FDPS: variants seen among roughly 807,000 people sequenced by gnomAD.
The protein encoded by FDPS is farnesyl pyrophosphate synthase.
Under a neutral mutation model 49.5 loss-of-function variants are expected in FDPS, and 29 were observed. The observed-to-expected ratio is 0.59, with a 90% CI of 0.44 to 0.80. The LOEUF is 0.80. Ranked by LOEUF, FDPS falls within the 30% of genes least tolerant of loss-of-function variation. FDPS has a pLI of 0.00. For missense variants in FDPS, 414 were observed against 525.6 expected (o/e 0.79, Z 2.08); for synonymous variants, 172 against 206.4 (o/e 0.83, Z 1.43).
intron 4 of FDPS, chr1:155,312,979 C>CAAAAAAAAAAAAAA: frequency 2.5e-5 from 1 of 40,568 alleles, no homozygotes; most frequent in Non-Finnish European, 5.1e-5. Context: ...AACTCCATCT[C>CAAAAAAAAAAAAAA]AAAAAAAAAA....
chr1:155,318,036 A>G lies in FDPS; in HGVS notation c.561+15A>G. On this transcript the variant is annotated intron_variant, in intron 5 of 10. Coordinates refer to ENST00000368356, the MANE Select transcript of FDPS (RefSeq NM_002004.4). This position sits in a 1 kb window ranked among gnomAD's most constrained non-coding sequence, Gnocchi z 4.2. ...GGTATCAGAAGGTAATGTGGGCAGG[A>G]AAATAGCAGTGGGTATGGGGACAGG... 6.2e-7 allele frequency: 1 copy of G among 1,613,918 alleles called. No individual in the cohort carries two copies. The highest frequency in any genetic ancestry group is 8.5e-7 in the Non-Finnish European group (1 of 1,179,814).
At chr1:155,319,544 G>A (rs1224776129) in intron 8 of FDPS, 67 bp from the exon 9 acceptor site, 1 of 1,544,566 alleles carries the variant, frequency 6.5e-7, no homozygotes, top group Non-Finnish European at 8.9e-7. Flanking sequence ...AGACCCCATG[G>A]GAGGAAGCAG....
chr1:155,315,425 A>G (rs926944516), intron 4 of FDPS, among the ~76,000 whole-genome samples: 3 of 152,312 alleles, frequency 2.0e-5, no homozygotes, highest in East Asian at 1.9e-4. Flanking sequence ...CATGCCTGTA[A>G]TCCCAGCACT....
chr1:155,314,244 G>A (rs1406166829), intron 4 of FDPS, among the ~76,000 whole-genome samples: 1 of 150,556 alleles, frequency 6.6e-6, no homozygotes, highest in East Asian at 2.0e-4. Context: ...GGAGTGCAGT[G>A]GCATGATCTT....
chr1:155,309,460 A>G, intron 1 of FDPS: 1 of 227,152 alleles, frequency 4.4e-6, no homozygotes. Flanking sequence ...GTAAAATAGG[A>G]TGACTTAAGG....
intron 4 of FDPS, among the ~76,000 whole-genome samples, chr1:155,316,426 T>C (rs1649415121): frequency 6.6e-6 from 1 of 152,156 alleles, no homozygotes; most frequent in Non-Finnish European, 1.5e-5. Context: ...AAGTCCAACT[T>C]GGGCAACATG....
rs534447154 is a variant in FDPS, at chr1:155,309,877, C to T, written c.88C>T (p.Leu30=). 1 of 1,590,250 alleles carries T rather than the reference C, an allele frequency of 6.3e-7. No individual in the cohort carries two copies. Among genetic ancestry groups the T allele is most frequent in the Admixed American group, 1.8e-5 (1 of 56,536 alleles). Residue 30 remains leucine, a synonymous_variant, in exon 2 of 11, where the codon CTA becomes TTA. Coordinates refer to ENST00000368356, the MANE Select transcript of FDPS (RefSeq NM_002004.4). ...WAPRERWLGS[L]RRPSLVHGYP... Reference sequence around the variant, plus strand: ...ACCCCGGGAGAGGTGGCTGGGTTCCCTACGGCGGCCCTCCCTGGTGCACGG... The same window carrying T: ...ACCCCGGGAGAGGTGGCTGGGTTCCTTACGGCGGCCCTCCCTGGTGCACGG...
intron 4 of FDPS, among the ~76,000 whole-genome samples, chr1:155,314,742 C>T (rs550082442): frequency 3.3e-5 from 5 of 150,294 alleles, no homozygotes; most frequent in Admixed American, 2.7e-4. Flanking sequence ...TCCCAGAGTA[C>T]TGGGATAACA....
At position 155,318,290 on chromosome 1, in the gene FDPS, A is replaced by G; in HGVS notation, c.683A>G (p.Gln228Arg). The G allele has an allele frequency of 6.2e-7, 1 of 1,610,996 alleles. No individual in the cohort carries two copies. Among genetic ancestry groups the G allele is most frequent in the Non-Finnish European group, 8.5e-7 (1 of 1,179,998 alleles). ...YYLNLIELFLQSSYQTEIGQT... is the reference protein window; with the variant it reads ...YYLNLIELFLRSSYQTEIGQT... ...CTGAACCTGATCGAGCTCTTCCTGCAGGTGTATTGCAGACAGGGCCCGATG... is the reference window on the plus strand; with the variant it reads ...CTGAACCTGATCGAGCTCTTCCTGCGGGTGTATTGCAGACAGGGCCCGATG... The change falls in exon 6 of 11, where the codon CAG becomes CGG. Residue 228 changes from glutamine (Q) to arginine (R), a missense_variant and splice_region_variant. By Grantham distance (43) the Gln-to-Arg change is conservative. Coordinates refer to ENST00000368356, the MANE Select transcript of FDPS (RefSeq NM_002004.4). This position sits in a 1 kb window ranked among gnomAD's most constrained non-coding sequence, Gnocchi z 4.2.
intron 4 of FDPS, among the ~76,000 whole-genome samples, chr1:155,315,388 T>C (rs1430435547): frequency 2.7e-5 from 4 of 150,184 alleles, no homozygotes; most frequent in African/African-American, 7.4e-5. Context: ...CTACTGAAAA[T>C]ACAAAATTAG....
rs376368858 is a variant in FDPS, at chr1:155,318,162, A to C, written c.562-7A>C. On this transcript the variant is annotated splice_region_variant and splice_polypyrimidine_tract_variant and intron_variant, in intron 5 of 10. Transcript: ENST00000368356. The surrounding 1 kb of genome is among the most constrained non-coding windows in gnomAD (Gnocchi z 4.2). The stretch of plus-strand genomic sequence containing the variant: ...TTGATTGCTTGTTTTTCTGTCTGTC[A>C]TGACAGCCGGGCGTGGGTTTGGATG... The C allele has an allele frequency of 6.2e-7, 1 of 1,614,080 alleles. No individual in the cohort carries two copies.
At position 155,312,308 on chromosome 1, in the gene FDPS, A is replaced by G; in HGVS notation, c.393A>G (p.Val131=). Residue 131 remains valine, a synonymous_variant, in exon 4 of 11, where the codon GTA becomes GTG. Transcript: ENST00000368356. The part of the protein sequence containing the change: ...GGKYNRGLTV[V]VAFRELVEPR... Reference sequence around the variant, plus strand: ...AGTATAACCGGGGTTTGACGGTGGTAGTAGCATTCCGGGAGCTGGTGGAGC... The same window carrying G: ...AGTATAACCGGGGTTTGACGGTGGTGGTAGCATTCCGGGAGCTGGTGGAGC... 6.2e-7 allele frequency: 1 copy of G among 1,614,160 alleles called. No homozygotes were observed. The highest frequency in any genetic ancestry group is 8.5e-7 in the Non-Finnish European group (1 of 1,180,016).
intron 1 of FDPS, chr1:155,309,367 C>T (rs1427520286): frequency 6.4e-6 from 1 of 155,314 alleles, no homozygotes; most frequent in Non-Finnish European, 1.4e-5. Context: ...GCACCCCTCT[C>T]CACTGCCCAG....
Position 155,319,108 on chromosome 1 carries a change from A to G in FDPS, c.846+180A>G, listed in dbSNP as rs144382473. Among the ~76,000 whole-genome samples, 461 of 152,262 alleles carry G rather than the reference A, an allele frequency of 3.0e-3. 1 individual carries two copies. The highest frequency in any genetic ancestry group is 0.011 in the African/African-American group (444 of 41,536). ...AAAATTCCTACTTCACAGGACTGTA[A>G]AGATTAAGCAAGGCAAGGGATATGA... On this transcript the variant is annotated intron_variant, in intron 8 of 10. Transcript: ENST00000368356.
In FDPS at chr1:155,318,988, A is replaced by G; in HGVS notation, c.846+60A>G. 7.7e-7 allele frequency: 1 copy of G among 1,295,816 alleles called. No individual in the cohort carries two copies. Among genetic ancestry groups the G allele is most frequent in the Non-Finnish European group, 1.1e-6 (1 of 893,012 alleles). 80.3% of individuals were successfully genotyped at this position (1,295,816 alleles called of 1,614,324 possible). On this transcript the variant is annotated intron_variant, in intron 8 of 10. Transcript: ENST00000368356. The surrounding 1 kb of genome is among the most constrained non-coding windows in gnomAD (Gnocchi z 4.2). ...GATGGGGGCTTTTGGACAGCAAGGCATAGAGCAGAAAACGTGAACACTGCT... is the reference window on the plus strand; with the variant it reads ...GATGGGGGCTTTTGGACAGCAAGGCGTAGAGCAGAAAACGTGAACACTGCT...
chr1:155,319,170 G>A (rs1572099577), intron 8 of FDPS, among the ~76,000 whole-genome samples: 1 of 152,230 alleles, frequency 6.6e-6, no homozygotes, highest in Non-Finnish European at 1.5e-5. Flanking sequence ...AATATATCCT[G>A]TATCTGAGTA....
intron 3 of FDPS, among the ~76,000 whole-genome samples, chr1:155,310,991 A>G (rs1343685704): frequency 6.6e-6 from 1 of 152,032 alleles, no homozygotes; most frequent in African/African-American, 2.4e-5. Context: ...TCTATCTCAT[A>G]TATCTCAGGG....
chr1:155,311,741 G>A (rs750651858), intron 3 of FDPS, among the ~76,000 whole-genome samples: 10 of 152,156 alleles, frequency 6.6e-5, no homozygotes, highest in Non-Finnish European at 1.2e-4. Flanking sequence ...GGGAGGCCAA[G>A]GCGGGTGGAT....
In FDPS at chr1:155,309,795, C is replaced by G; in HGVS notation, c.6C>G (p.Pro2=). The G allele has an allele frequency of 1.3e-6, 2 of 1,551,780 alleles. No homozygotes were observed. The highest frequency in any genetic ancestry group is 8.8e-7 in the Non-Finnish European group (1 of 1,142,034). M[P]LSRWLRSVGV... is the part of the protein sequence containing the mutation. ...CTCCCTATGCCACTCCCAGGATGCC[C>G]CTGTCCCGCTGGTTGAGATCTGTGG... The change falls in exon 2 of 11, where the codon CCC becomes CCG. Residue 2 remains proline (P), a synonymous_variant. Transcript: ENST00000368356.
Sources: allele counts gnomAD v4.1 joint callset (sites outside exome capture counted in the v4.1 genomes callset), GRCh38; gene constraint gnomAD v4.1.1; non-coding constraint Gnocchi (gnomAD v3.1); transcripts MANE v1.5; gene names NCBI Gene and HGNC (gene_info 2026-07-23, HGNC 2026-07-21).